TRANK1: variants seen among roughly 807,000 people sequenced by gnomAD.
The protein encoded by TRANK1 is tetratricopeptide repeat and ankyrin repeat containing 1, also known as TPR and ankyrin repeat-containing protein 1.
A neutral mutation model predicts 266.0 loss-of-function variants in TRANK1; 198 were observed. The ratio of observed to expected loss-of-function variants is 0.74; its 90% confidence interval spans 0.66 to 0.84. The LOEUF (loss-of-function observed/expected upper bound fraction) is 0.84, where lower values mean the gene tolerates loss of function less well. Ranked by LOEUF, TRANK1 falls within the 40% of genes least tolerant of loss-of-function variation. The probability of loss-of-function intolerance (pLI) is 0.00; values close to 1 mark genes in which losing one functional copy is unlikely to be tolerated. For missense variants in TRANK1, 3,326 were observed against 3,634.6 expected (o/e 0.92, Z 2.18); for synonymous variants, 1,396 against 1,384.1 (o/e 1.01, Z -0.19).
intron 6 of TRANK1, 146 bp from the exon 7 acceptor site, chr3:36,892,486 G>C (rs541097010): frequency 9.3e-7 from 1 of 1,074,628 alleles, no homozygotes; most frequent in South Asian, 1.7e-5. Flanking sequence ...ACAAATTTGT[G>C]GTAAGGCAGC....
rs900463935 is a variant in TRANK1, at chr3:36,833,431, A to T, written c.6152T>A (p.Phe2051Tyr). ...TGAGTGGTTGAGCGTGTCAAACTTG[A>T]AGAAGGCATCCCTGAGCTTCTGAAA... ...RDFQKLRDAF[F>Y]KFDTLNHSAG... Residue 2051 changes from phenylalanine to tyrosine, a missense_variant, in exon 22 of 24, where the codon TTC becomes TAC. Coordinates refer to ENST00000645898, the MANE Select transcript of TRANK1 (RefSeq NM_001329998.2). The T allele has an allele frequency of 3.7e-6, 6 of 1,613,714 alleles. No homozygotes were observed. The highest frequency in any genetic ancestry group is 1.3e-5 in the African/African-American group (1 of 74,918).
chr3:36,895,972 A>G (rs2079784180), intron 4 of TRANK1, among the ~76,000 whole-genome samples: 1 of 152,348 alleles, frequency 6.6e-6, no homozygotes, highest in South Asian at 2.1e-4. Context: ...AGAGTTAGGC[A>G]GGATAATTAA....
At chr3:36,859,675 G>A (rs917816276) in intron 11 of TRANK1, among the ~76,000 whole-genome samples, 1 of 152,158 alleles carries the variant, frequency 6.6e-6, no homozygotes, top group African/African-American at 2.4e-5. Context: ...TAGATCTGCA[G>A]TCTCCTCCAC....
intron 1 of TRANK1, among the ~76,000 whole-genome samples, chr3:36,912,630 C>T (rs2080068450): frequency 6.6e-6 from 1 of 152,196 alleles, no homozygotes; most frequent in Admixed American, 6.5e-5. Flanking sequence ...AATGCAAATG[C>T]ACTGAGTAGA....
chr3:36,861,353 T>A (rs2079139551), intron 10 of TRANK1, among the ~76,000 whole-genome samples, 193 bp from the exon 11 acceptor site: 1 of 152,106 alleles, frequency 6.6e-6, no homozygotes, highest in South Asian at 2.1e-4. Flanking sequence ...AGATCAGAAA[T>A]ACCCTATGAA....
chr3:36,894,041 A>G (rs866171881), intron 5 of TRANK1, among the ~76,000 whole-genome samples: 1 of 152,220 alleles, frequency 6.6e-6, no homozygotes, highest in African/African-American at 2.4e-5. Flanking sequence ...TGATAAGTTC[A>G]GCATTCTAGT....
intron 1 of TRANK1, among the ~76,000 whole-genome samples, chr3:36,919,703 G>C (rs2080188168): frequency 6.6e-6 from 1 of 152,170 alleles, no homozygotes; most frequent in African/African-American, 2.4e-5. Flanking sequence ...TTTCCAAGTG[G>C]TTGAACCAAT....
In TRANK1 at chr3:36,833,954, A is replaced by G. The variant is rs117339943; in HGVS notation, c.5664-35T>C. On this transcript the variant is annotated intron_variant, in intron 21 of 23. Coordinates refer to ENST00000645898, the MANE Select transcript of TRANK1 (RefSeq NM_001329998.2). ...CAAAGGACACAAATGTCAACTTGCC[A>G]TCACCCAATCAATAGAAAATTTCCT... 1.3e-4 allele frequency: 198 copies of G among 1,545,644 alleles called. 1 individual carries two copies. In the East Asian group the frequency reaches 3.8e-3, roughly 29 times the overall value.
chr3:36,858,874 C>T lies in TRANK1; in HGVS notation c.1516G>A (p.Glu506Lys), dbSNP rs958406094. The change falls in exon 12 of 24, where the codon GAG becomes AAG. Residue 506 changes from glutamate (E) to lysine (K), a missense_variant. Coordinates refer to ENST00000645898, the MANE Select transcript of TRANK1 (RefSeq NM_001329998.2). The stretch of plus-strand genomic sequence containing the variant: ...GTGACAACTGGCCTCTCCTGGCTCT[C>T]CTGAAGACCATCAGGCAAGGCTGGG... ...DSGALPDGLQ[E>K]SQERPVVTCL... is the part of the protein sequence containing the mutation. 1.8e-5 allele frequency: 28 copies of T among 1,536,290 alleles called. No homozygotes were observed. The Admixed American group carries it at 5.1e-4, about 28-fold the overall frequency.
chr3:36,909,549 T>C (rs1241839634), intron 1 of TRANK1, among the ~76,000 whole-genome samples: 1 of 152,206 alleles, frequency 6.6e-6, no homozygotes, highest in Non-Finnish European at 1.5e-5. Flanking sequence ...GTCTTAAATA[T>C]GTGGACAGTT....
intron 1 of TRANK1, among the ~76,000 whole-genome samples, chr3:36,936,676 G>C (rs551732122): frequency 6.6e-6 from 1 of 152,226 alleles, no homozygotes; most frequent in South Asian, 2.1e-4. Flanking sequence ...AGCCATTCTC[G>C]AGGAAGGATG....
chr3:36,900,865 A>AAAAAAAAAAAAAAAAAAAAAAAAT (rs2079867940), intron 3 of TRANK1, among the ~76,000 whole-genome samples: 1 of 147,974 alleles, frequency 6.8e-6, no homozygotes, highest in Non-Finnish European at 1.5e-5. Context: ...AAAAAAAAAA[A>AAAAAAAAAAAAAAAAAAAAAAAAT]AAAAAAAAAA....
intron 20 of TRANK1, 130 bp downstream of exon 20, chr3:36,838,242 G>T (rs766068998): frequency 1.4e-6 from 2 of 1,391,858 alleles, no homozygotes; most frequent in Non-Finnish European, 2.0e-6. Flanking sequence ...CCTTAGAGTC[G>T]CAGGGCCAGT....
In TRANK1 at chr3:36,874,269, A is replaced by T; in HGVS notation, c.935T>A (p.Leu312Gln). The change falls in exon 9 of 24, where the codon CTG (leucine) becomes CAG (glutamine). Residue 312 changes from leucine to glutamine, a missense_variant. Leu to Gln is a moderately radical substitution (Grantham distance 113, BLOSUM62 -2). Transcript: ENST00000645898. ...CAAAGTGGGATCTGCCCCAAAGCGC[A>T]GGAGCATCTGCACATCCTCTGTTTG... ...KRQTEDVQML[L>Q]RFGADPTLLD... The T allele has an allele frequency of 1.3e-6, 2 of 1,537,146 alleles. No homozygotes were observed. The highest frequency in any genetic ancestry group is 1.7e-6 in the Non-Finnish European group (2 of 1,146,850).
At chr3:36,838,765 G>C in intron 18 of TRANK1, 49 bp from the exon 19 acceptor site, 2 of 1,556,328 alleles carry the variant, frequency 1.3e-6, no homozygotes, top group South Asian at 2.3e-5. Context: ...GGAGGTAACA[G>C]ACAGAACAAC....
chr3:36,896,461 T>G lies in TRANK1; in HGVS notation c.434-703A>C, dbSNP rs1377648051. Among the ~76,000 whole-genome samples, 5 of 152,218 alleles carry G rather than the reference T, an allele frequency of 3.3e-5. No homozygotes were observed. The East Asian group carries it at 9.6e-4, about 29-fold the overall frequency. On this transcript the variant is annotated intron_variant, in intron 4 of 23. Transcript: ENST00000645898. ...ATACTATATGAAATGACACAAAGTT[T>G]CCCATAAATATGTTTTTCAAAATTT...
At chr3:36,851,123 G>A (rs757582648) in intron 15 of TRANK1, 93 of 985,414 alleles carry the variant, frequency 9.4e-5, no homozygotes, top group Non-Finnish European at 1.1e-4. Context: ...TGAAAGCAGT[G>A]GACCAATACA....
At chr3:36,897,757 T>G (rs1030431815) in intron 4 of TRANK1, among the ~76,000 whole-genome samples, 1 of 152,224 alleles carries the variant, frequency 6.6e-6, no homozygotes, top group Non-Finnish European at 1.5e-5. Flanking sequence ...CATAAATTAA[T>G]AGCACATCTT....
At chr3:36,884,264 A>G (rs761785440) in intron 8 of TRANK1, among the ~76,000 whole-genome samples, 8 of 152,330 alleles carry the variant, frequency 5.3e-5, no homozygotes, top group Admixed American at 2.6e-4. Flanking sequence ...AAAAAGTCCT[A>G]GAAACAATGA....
Sources: gnomAD v4.1 joint callset for allele counts (sites outside exome capture counted in the v4.1 genomes callset) on GRCh38, gnomAD v4.1.1 for gene constraint, MANE v1.5 for transcripts, NCBI Gene and HGNC (gene_info 2026-07-23, HGNC 2026-07-21) for gene names.